Variants in UBR3 observed in about 807,000 individuals in gnomAD.
The protein encoded by UBR3 is E3 ubiquitin-protein ligase UBR3.
Under a neutral mutation model 243.2 loss-of-function variants are expected in UBR3, and 85 were observed. That is an observed-to-expected ratio of 0.35 (90% CI 0.29 to 0.42). The LOEUF is 0.42. UBR3 is among the 10% of genes least tolerant of loss of function. The probability of loss-of-function intolerance (pLI) is 1.00; values close to 1 mark genes in which losing one functional copy is unlikely to be tolerated. For missense variants in UBR3, 1,686 were observed against 2,300.8 expected, an observed-to-expected ratio of 0.73 and a Z score of 5.47; for synonymous variants, 748 against 799.8, an observed-to-expected ratio of 0.94 and a Z score of 1.09.
intron 24 of UBR3, among the ~76,000 whole-genome samples, chr2:169,984,277 T>C (rs2088895688): frequency 6.6e-6 from 1 of 152,190 alleles, no homozygotes; most frequent in African/African-American, 2.4e-5. Context: ...TCATAATGCA[T>C]GTTTCAGGAT....
intron 11 of UBR3, among the ~76,000 whole-genome samples, chr2:169,920,701 C>A (rs888602485): frequency 4.5e-4 from 68 of 152,124 alleles, no homozygotes; most frequent in African/African-American, 1.6e-3. Flanking sequence ...CCCAGATTGT[C>A]TGTGAATGTC....
chr2:169,861,260 C>T (rs2083078407), intron 1 of UBR3, among the ~76,000 whole-genome samples: 1 of 152,228 alleles, frequency 6.6e-6, no homozygotes, highest in African/African-American at 2.4e-5. Context: ...TATTAACCAT[C>T]ACAAACTCTT....
At chr2:169,843,621 T>C (rs1287601898) in intron 1 of UBR3, among the ~76,000 whole-genome samples, 1 of 152,246 alleles carries the variant, frequency 6.6e-6, no homozygotes, top group African/African-American at 2.4e-5. Flanking sequence ...ATTGAACCAG[T>C]CTTGCATTTC....
At chr2:169,911,409 C>T (rs2085249632) in intron 10 of UBR3, among the ~76,000 whole-genome samples, 1 of 152,090 alleles carries the variant, frequency 6.6e-6, no homozygotes, top group South Asian at 2.1e-4. Flanking sequence ...TCACTTGCCT[C>T]TTCAGAACAG....
rs575591638 is a variant in UBR3, at chr2:170,077,475, C to T, written c.5200-2339C>T. 7.3e-5 allele frequency: 106 copies of T among 1,447,250 alleles called. No homozygotes were observed. The East Asian group carries it at 2.1e-3, about 29-fold the overall frequency. 89.7% of individuals were successfully genotyped at this position (1,447,250 alleles called of 1,614,324 possible). A position where few individuals can be genotyped will look rare whatever the true frequency, so the allele number is the denominator to read the frequency against. On this transcript the variant is annotated intron_variant, in intron 36 of 38. Coordinates refer to ENST00000272793, the MANE Select transcript of UBR3 (RefSeq NM_172070.4). ...GTGTTACATGGGCTTTCTTGAAACGCAAGCCCATTGGCCTGATGAATCTTC... is the reference window on the plus strand; with the variant it reads ...GTGTTACATGGGCTTTCTTGAAACGTAAGCCCATTGGCCTGATGAATCTTC...
intron 32 of UBR3, among the ~76,000 whole-genome samples, chr2:170,052,925 G>A (rs1301731768): frequency 6.6e-6 from 1 of 152,172 alleles, no homozygotes; most frequent in Non-Finnish European, 1.5e-5. Flanking sequence ...ATTTCACAGT[G>A]TATGCTTATA....
chr2:170,077,176 T>G (rs1574488123), intron 36 of UBR3: 2 of 632,774 alleles, frequency 3.2e-6, no homozygotes. Context: ...GTAATGGCAG[T>G]TTTTTCAGTT....
chr2:169,869,241 A>G (rs2083359845), intron 1 of UBR3, among the ~76,000 whole-genome samples: 2 of 57,516 alleles, frequency 3.5e-5, no homozygotes, highest in African/African-American at 7.3e-5. Context: ...TTTTTTTTTG[A>G]GATGGAGTCT....
At chr2:169,870,057 G>A (rs780539163) in intron 1 of UBR3, among the ~76,000 whole-genome samples, 14 of 151,960 alleles carry the variant, frequency 9.2e-5, no homozygotes, top group Non-Finnish European at 2.9e-5. Flanking sequence ...CTGAGATAAT[G>A]TAGGAAAATA....
chr2:170,063,027 T>C (rs895711768), intron 35 of UBR3, among the ~76,000 whole-genome samples: 2 of 152,208 alleles, frequency 1.3e-5, no homozygotes, highest in African/African-American at 4.8e-5. Context: ...AAATATGATA[T>C]GATTCAAATT....
chr2:170,041,361 A>G (rs1166082040), intron 32 of UBR3, among the ~76,000 whole-genome samples: 1 of 152,230 alleles, frequency 6.6e-6, no homozygotes, highest in African/African-American at 2.4e-5. Context: ...AGGTAAAGAC[A>G]TGGGAAAACA....
At chr2:169,899,365 T>C (rs2084722905) in intron 8 of UBR3, among the ~76,000 whole-genome samples, 1 of 152,244 alleles carries the variant, frequency 6.6e-6, no homozygotes, top group Admixed American at 6.5e-5. Flanking sequence ...TATTCTTTCC[T>C]AGAGATTTAT....
At chr2:169,947,479 A>G (rs2086829191) in intron 21 of UBR3, 63 bp from the exon 22 acceptor site, 3 of 1,262,302 alleles carry the variant, frequency 2.4e-6, no homozygotes, top group Admixed American at 3.9e-5. Context: ...GGCTTGTTAC[A>G]TCTCCATTGT....
intron 24 of UBR3, 145 bp from the exon 25 acceptor site, chr2:169,986,500 A>C (rs971174882): frequency 3.7e-5 from 23 of 626,338 alleles, no homozygotes; most frequent in Middle Eastern, 8.7e-4. Flanking sequence ...TACTTGAGTA[A>C]GGTTATTTTT....
chr2:169,855,743 ACTT>A (rs1249099284), intron 1 of UBR3, among the ~76,000 whole-genome samples: 1 of 152,208 alleles, frequency 6.6e-6, no homozygotes, highest in Non-Finnish European at 1.5e-5. Flanking sequence ...TCCTATGTCT[ACTT>A]CTTTCCACAC....
intron 17 of UBR3, 115 bp downstream of exon 17, chr2:169,927,520 T>C (rs955057894): frequency 4.9e-6 from 4 of 816,408 alleles, no homozygotes; most frequent in Non-Finnish European, 5.5e-6. Flanking sequence ...AAAAATAATA[T>C]AGAAAAAGAA....
In UBR3 at chr2:169,875,936, AG is replaced by A. The variant is rs1213121948; in HGVS notation, c.832del (p.Asp278IlefsTer2). On this transcript the variant is annotated frameshift_variant, in exon 3 of 39. Transcript: ENST00000272793. LOFTEE classifies it high-confidence loss of function. ...TTTTGACAAACCAACAAAACTACAA[AG>A]ATCTGACTTCTGGTGAGTAAAATGT... ...QVLTNQQNYKDLTSGLGENAC... is the reference protein window; with the variant it reads ...QVLTNQQNYKXLTSGLGENAC... 1 of 1,529,554 alleles carries A rather than the reference AG, an allele frequency of 6.5e-7. No homozygotes were observed. The allele number at this position is 1,529,554 out of a possible 1,614,324, so 94.7% of individuals were successfully genotyped here.
chr2:169,890,071 C>A (rs1451806095), intron 5 of UBR3, among the ~76,000 whole-genome samples: 1 of 151,984 alleles, frequency 6.6e-6, no homozygotes, highest in African/African-American at 2.4e-5. Flanking sequence ...ATGTAACATC[C>A]CTGGTTTAGG....
intron 1 of UBR3, among the ~76,000 whole-genome samples, chr2:169,830,418 G>A (rs2081894697): frequency 6.6e-6 from 1 of 152,112 alleles, no homozygotes; most frequent in Non-Finnish European, 1.5e-5. Context: ...AATTCTAGCT[G>A]TTTTATGTGA....
Sources: allele counts gnomAD v4.1 joint callset (sites outside exome capture counted in the v4.1 genomes callset), GRCh38; gene constraint gnomAD v4.1.1; transcripts MANE v1.5; gene names NCBI Gene and HGNC (gene_info 2026-07-23, HGNC 2026-07-21).